Variants in WDR77 observed in about 807,000 individuals in gnomAD.
WDR77 encodes WD repeat domain 77, also known as methylosome protein WDR77.
In WDR77, 31 loss-of-function variants were observed where a neutral mutation model predicts 44.0. The observed-to-expected ratio is 0.70, with a 90% confidence interval of 0.53 to 0.95. The LOEUF (loss-of-function observed/expected upper bound fraction) is 0.95. WDR77 is among the 40% of genes least tolerant of loss of function. The pLI, the probability that WDR77 is intolerant of heterozygous loss-of-function variation, is 0.00. For synonymous variants in WDR77, 186 were observed against 165.7 expected, an observed-to-expected ratio of 1.12 and a Z score of -0.94; for missense variants, 390 against 423.9, an observed-to-expected ratio of 0.92 and a Z score of 0.70.
At chr1:111,443,436 C>T in intron 6 of WDR77, 42 bp from the exon 7 acceptor site, 1 of 1,522,482 alleles carries the variant, frequency 6.6e-7, no homozygotes, top group South Asian at 1.2e-5. Context: ...ACTCAGAGTA[C>T]AGAAGAAGCA....
In WDR77 at chr1:111,448,614, C is replaced by T; in HGVS notation, c.301+5G>A. On this transcript the variant is annotated splice_donor_5th_base_variant and intron_variant, in intron 2 of 9. Coordinates refer to ENST00000235090, the MANE Select transcript of WDR77 (RefSeq NM_024102.4). ...GTGGGGGTGGATAATGGGATAGTGA[C>T]TCACCTGAATCGGAGGCCACTAGAA... 6.2e-7 allele frequency: 1 copy of T among 1,614,110 alleles called. No homozygotes were observed. The highest frequency in any genetic ancestry group is 8.5e-7 in the Non-Finnish European group (1 of 1,180,016).
Position 111,443,894 on chromosome 1 carries a change from G to A in WDR77, c.592C>T (p.Arg198Cys), listed in dbSNP as rs1320249649. ...EDNRILLWDT[R>C]CPKPASQIGC... Reference sequence around the variant, plus strand: ...ATCTGTGATGCTGGCTTGGGACAGCGGGTATCCCAGAGTAAAATTCTATTG... The same window carrying A: ...ATCTGTGATGCTGGCTTGGGACAGCAGGTATCCCAGAGTAAAATTCTATTG... Residue 198 changes from arginine (R) to cysteine (C), a missense_variant, in exon 6 of 10, where the codon CGC becomes TGC. Coordinates refer to ENST00000235090, the MANE Select transcript of WDR77 (RefSeq NM_024102.4). 1.1e-5 allele frequency: 18 copies of A among 1,614,012 alleles called. No individual in the cohort carries two copies. The highest frequency in any genetic ancestry group is 1.1e-5 in the Non-Finnish European group (13 of 1,180,014).
intron 2 of WDR77, 94 bp downstream of exon 2, chr1:111,448,525 G>A (rs1653150298): frequency 6.8e-7 from 1 of 1,476,390 alleles, no homozygotes; most frequent in Non-Finnish European, 9.4e-7. Flanking sequence ...CTGAGTATAG[G>A]ACGTTAGATA....
intron 8 of WDR77, 151 bp from the exon 9 acceptor site, chr1:111,442,244 A>G (rs1571364736): frequency 1.4e-6 from 1 of 690,520 alleles, no homozygotes; most frequent in African/African-American, 1.8e-5. Flanking sequence ...AGTCCACACT[A>G]AAAGTTTCAA....
Position 111,442,652 on chromosome 1 carries a change from C to T in WDR77, c.800+1G>A, listed in dbSNP as rs756923186. 2 of 1,565,198 alleles carry T rather than the reference C, an allele frequency of 1.3e-6. No homozygotes were observed. The highest frequency in any genetic ancestry group is 1.7e-6 in the Non-Finnish European group (2 of 1,149,826). On this transcript the variant is annotated splice_donor_variant, in intron 8 of 9. Transcript: ENST00000235090. LOFTEE classifies it high-confidence loss of function. ...AGGCCCCTGATGACAAAGAACAGTA[C>T]CTGTGTGGGGAGAACACCAGCCCAG...
chr1:111,442,836 T>C, intron 7 of WDR77, 75 bp from the exon 8 acceptor site: 1 of 1,076,642 alleles, frequency 9.3e-7, no homozygotes, highest in Non-Finnish European at 1.3e-6. Context: ...TCCTAGTTCC[T>C]CGAGCTTGTA....
In WDR77 at chr1:111,443,409, C is replaced by A; in HGVS notation, c.620-15G>T. On this transcript the variant is annotated splice_polypyrimidine_tract_variant and intron_variant, in intron 6 of 9. Coordinates refer to ENST00000235090, the MANE Select transcript of WDR77 (RefSeq NM_024102.4). ...CGCACTGCAGCCTGCAAAGGAGAGA[C>A]GAGGGTCTGGACCAAAACTCAGAGT... The A allele has an allele frequency of 6.4e-7, 1 of 1,551,712 alleles. No individual in the cohort carries two copies.
In WDR77 at chr1:111,442,703, G is replaced by A; in HGVS notation, c.750C>T (p.Ser250=). The change falls in exon 8 of 10, where the codon AGC becomes AGT. Residue 250 remains serine (S), a synonymous_variant. Coordinates refer to ENST00000235090, the MANE Select transcript of WDR77 (RefSeq NM_024102.4). Reference sequence around the variant, plus strand: ...TGACACACTGGGAGTGTACAGCTGAGCTCAGGACACAGCTTGTACTCTTGG... The same window carrying A: ...TGACACACTGGGAGTGTACAGCTGAACTCAGGACACAGCTTGTACTCTTGG... ...VDTKSTSCVL[S]SAVHSQCVTG... 1 of 1,601,668 alleles carries A rather than the reference G, an allele frequency of 6.2e-7. No individual in the cohort carries two copies. Among genetic ancestry groups the A allele is most frequent in the Non-Finnish European group, 8.5e-7 (1 of 1,171,364 alleles).
intron 6 of WDR77, 157 bp downstream of exon 6, chr1:111,443,710 G>A: frequency 1.0e-6 from 1 of 985,224 alleles, no homozygotes; most frequent in Non-Finnish European, 1.2e-6. Flanking sequence ...CACAGAATGG[G>A]GTTAGCAGAG....
intron 8 of WDR77, among the ~76,000 whole-genome samples, chr1:111,442,378 G>A (rs193003975): frequency 6.6e-6 from 1 of 152,292 alleles, no homozygotes; most frequent in Non-Finnish European, 1.5e-5. Flanking sequence ...CAATCTCACA[G>A]TCCTAGAAGC....
At chr1:111,446,889 C>T in intron 4 of WDR77, 2 of 575,024 alleles carry the variant, frequency 3.5e-6, no homozygotes, top group Non-Finnish European at 6.2e-6. Context: ...CTTTTCACTA[C>T]TGCACTTGAC....
intron 6 of WDR77, 101 bp downstream of exon 6, chr1:111,443,766 T>C (rs1557793129): frequency 6.3e-7 from 1 of 1,582,100 alleles, no homozygotes. Context: ...TCACAGTAAC[T>C]ACACTGGGCA....
chr1:111,448,686 T>A lies in WDR77; in HGVS notation c.234A>T (p.Gln78His), dbSNP rs760525782. 6.8e-5 allele frequency: 109 copies of A among 1,614,036 alleles called. No homozygotes were observed. The highest frequency in any genetic ancestry group is 9.0e-5 in the Non-Finnish European group (106 of 1,180,036). The change falls in exon 2 of 10, where the codon CAA (glutamine) becomes CAT (histidine). Residue 78 changes from glutamine to histidine, a missense_variant. Coordinates refer to ENST00000235090, the MANE Select transcript of WDR77 (RefSeq NM_024102.4). ...PNEGFCSAGV[Q>H]TEAGVADLTW... The stretch of plus-strand genomic sequence containing the variant: ...TGAGGTCAGCCACTCCAGCCTCCGT[T>A]TGGACTCCGGCGGAGCAGAAGCCTT...
At chr1:111,445,020 C>T (rs927018344) in intron 4 of WDR77, among the ~76,000 whole-genome samples, 2 of 152,124 alleles carry the variant, frequency 1.3e-5, no homozygotes, top group African/African-American at 4.8e-5. Context: ...CGTTAACCTG[C>T]GAATCTAAAA....
Position 111,441,339 on chromosome 1 carries a change from G to A in WDR77, c.920C>T (p.Pro307Leu), listed in dbSNP as rs778527562. 13 of 1,571,472 alleles carry A rather than the reference G, an allele frequency of 8.3e-6. No individual in the cohort carries two copies. The highest frequency in any genetic ancestry group is 1.4e-5 in the African/African-American group (1 of 73,050). The change falls in exon 10 of 10, where the codon CCG (proline) becomes CTG (leucine). Residue 307 changes from proline (P) to leucine (L), a missense_variant. Coordinates refer to ENST00000235090, the MANE Select transcript of WDR77 (RefSeq NM_024102.4). ...TGTGGTAAGCAGGGAGTGATTGAGC[G>A]GGGACCAAGTCGCATCTCTCACAAA... ...RDFVRDATWS[P>L]LNHSLLTTVG...
In WDR77 at chr1:111,442,069, A is replaced by G. The variant is rs149384526; in HGVS notation, c.825T>C (p.Ser275=). ...PHSVPFLASL[S]EDCSLAVLDS... Reference sequence around the variant, plus strand: ...CCAGCACAGCAAGTGAGCAGTCTTCACTGAGAGAGGCCAGGAAGGGAACAC... The same window carrying G: ...CCAGCACAGCAAGTGAGCAGTCTTCGCTGAGAGAGGCCAGGAAGGGAACAC... Residue 275 remains serine (S), a synonymous_variant, in exon 9 of 10, where the codon AGT becomes AGC. Transcript: ENST00000235090. 1.4e-4 allele frequency: 221 copies of G among 1,614,146 alleles called. No homozygotes were observed. Among genetic ancestry groups the G allele is most frequent in the Non-Finnish European group, 1.8e-4 (209 of 1,180,010 alleles).
chr1:111,443,378 G>T lies in WDR77; in HGVS notation c.636C>A (p.Gly212=), dbSNP rs1652892270. Residue 212 remains glycine (G), a synonymous_variant, in exon 7 of 10, where the codon GGC becomes GGA. Coordinates refer to ENST00000235090, the MANE Select transcript of WDR77 (RefSeq NM_024102.4). The part of the protein sequence containing the change: ...PASQIGCSAP[G]YLPTSLAWHP... ...GCCAAGCCAGCGAGGTAGGAAGGTA[G>T]CCAGGCGCACTGCAGCCTGCAAAGG... 1 of 1,552,502 alleles carries T rather than the reference G, an allele frequency of 6.4e-7. No individual in the cohort carries two copies. The highest frequency in any genetic ancestry group is 2.4e-5 in the East Asian group (1 of 41,034).
intron 7 of WDR77, 79 bp downstream of exon 7, chr1:111,443,244 T>G: frequency 7.3e-7 from 1 of 1,377,724 alleles, no homozygotes; most frequent in Non-Finnish European, 1.0e-6. Flanking sequence ...ACAAGGGCCT[T>G]GTGTGTTGTG....
rs756019539 is a variant in WDR77, at chr1:111,447,512, A to T, written c.366T>A (p.Tyr122Ter). The T allele has an allele frequency of 6.2e-7, 1 of 1,614,224 alleles. No homozygotes were observed. The highest frequency in any genetic ancestry group is 1.7e-5 in the Admixed American group (1 of 60,032). Residue 122 changes from tyrosine (Y) to a stop codon, truncating the protein, a stop_gained, in exon 3 of 10, where the codon TAT (tyrosine) becomes TAA (stop). Coordinates refer to ENST00000235090, the MANE Select transcript of WDR77 (RefSeq NM_024102.4). LOFTEE classifies it high-confidence loss of function. The part of the protein sequence containing the change: ...ETLIVSKFCK[Y>*]EHDDIVSTVS... The stretch of plus-strand genomic sequence containing the variant: ...CTGTAGACACAATGTCATCATGCTC[A>T]TACTTGCAGAACTTGCTGACAATAA...
Sources: gnomAD v4.1 joint callset for allele counts (sites outside exome capture counted in the v4.1 genomes callset) on GRCh38, gnomAD v4.1.1 for gene constraint, MANE v1.5 for transcripts, NCBI Gene and HGNC (gene_info 2026-07-23, HGNC 2026-07-21) for gene names.